GRIN2A: variants seen among roughly 807,000 people sequenced by gnomAD.
The protein encoded by GRIN2A is glutamate ionotropic receptor NMDA type subunit 2A.
GRIN2A carries 22 observed loss-of-function variants against 113.4 expected under a neutral mutation model. That is an observed-to-expected ratio of 0.19 (90% confidence interval 0.14 to 0.28). GRIN2A has a LOEUF of 0.28. GRIN2A is among the 10% of genes least tolerant of loss of function. The pLI is 1.00. For synonymous variants in GRIN2A, 827 were observed against 738.4 expected, an observed-to-expected ratio of 1.12 and a Z score of -1.94; for missense variants, 1,502 against 1,887.0, an observed-to-expected ratio of 0.80 and a Z score of 3.78.
At chr16:10,164,720 T>C (rs1373290783) in intron 2 of GRIN2A, among the ~76,000 whole-genome samples, 2 of 152,244 alleles carry the variant, frequency 1.3e-5, no homozygotes, top group African/African-American at 4.8e-5. Flanking sequence ...CTGTATGTTA[T>C]ATTGGAAGCC....
chr16:9,828,828 G>A (rs2042434100), intron 9 of GRIN2A, among the ~76,000 whole-genome samples: 1 of 151,916 alleles, frequency 6.6e-6, no homozygotes, highest in East Asian at 1.9e-4. Context: ...AGAACCAGTG[G>A]GAAATTAAAA....
intron 9 of GRIN2A, among the ~76,000 whole-genome samples, chr16:9,823,325 A>C (rs1198117595): frequency 1.3e-5 from 2 of 152,180 alleles, no homozygotes; most frequent in Admixed American, 1.3e-4. Context: ...ATTGGGTTCT[A>C]TCACATACAA....
chr16:9,866,187 C>G (rs191051657), intron 4 of GRIN2A, among the ~76,000 whole-genome samples: 1 of 152,242 alleles, frequency 6.6e-6, no homozygotes, highest in East Asian at 1.9e-4. Flanking sequence ...ACAGAAAATG[C>G]TAACAGCCAA....
At chr16:10,043,602 C>T (rs1211913625) in intron 2 of GRIN2A, among the ~76,000 whole-genome samples, 1 of 152,136 alleles carries the variant, frequency 6.6e-6, no homozygotes, top group African/African-American at 2.4e-5. Context: ...GCTAGGGAAG[C>T]TTCTGCAACC....
At chr16:10,067,400 A>G (rs542428898) in intron 2 of GRIN2A, among the ~76,000 whole-genome samples, 1 of 152,358 alleles carries the variant, frequency 6.6e-6, no homozygotes, top group Admixed American at 6.5e-5. Flanking sequence ...ATGCTGAACA[A>G]TTAGATGTGC....
chr16:10,140,128 T>C (rs1425925548), intron 2 of GRIN2A, among the ~76,000 whole-genome samples: 1 of 152,246 alleles, frequency 6.6e-6, no homozygotes. Flanking sequence ...TGGGCTGGAA[T>C]ATATATAACT....
intron 12 of GRIN2A, among the ~76,000 whole-genome samples, chr16:9,765,903 A>G (rs935534348): frequency 6.6e-6 from 1 of 152,186 alleles, no homozygotes; most frequent in African/African-American, 2.4e-5. Flanking sequence ...AAGCACCTCC[A>G]TCTATATGTC....
intron 2 of GRIN2A, among the ~76,000 whole-genome samples, chr16:10,099,484 C>CCA (rs1287055141): frequency 1.3e-5 from 2 of 151,974 alleles, no homozygotes; most frequent in East Asian, 3.9e-4. Context: ...CCCTTGCACC[C>CCA]CCTTCCTCAG....
At chr16:10,158,204 C>G (rs2049741619) in intron 2 of GRIN2A, among the ~76,000 whole-genome samples, 1 of 152,182 alleles carries the variant, frequency 6.6e-6, no homozygotes, top group South Asian at 2.1e-4. Flanking sequence ...AGGATTCCAC[C>G]ATATTGCCGA....
At chr16:10,043,793 C>T (rs1051693138) in intron 2 of GRIN2A, among the ~76,000 whole-genome samples, 5 of 151,954 alleles carry the variant, frequency 3.3e-5, no homozygotes, top group Non-Finnish European at 5.9e-5. Context: ...TGTTCAGCCC[C>T]TGAGCCTAGA....
intron 2 of GRIN2A, among the ~76,000 whole-genome samples, chr16:10,003,646 C>G (rs879778694): frequency 6.6e-6 from 1 of 152,174 alleles, no homozygotes; most frequent in Non-Finnish European, 1.5e-5. Context: ...ATACGAATGA[C>G]ATGAGAATGA....
At chr16:9,769,146 G>C (rs1443204801) in intron 11 of GRIN2A, 57 bp from the exon 12 acceptor site, 1 of 1,341,434 alleles carries the variant, frequency 7.5e-7, no homozygotes, top group Non-Finnish European at 1.1e-6. Flanking sequence ...CTTTGGGGCA[G>C]ACGCTTCTGG....
chr16:10,033,131 C>T (rs67182441), intron 2 of GRIN2A, among the ~76,000 whole-genome samples: 13,535 of 152,174 alleles, frequency 0.089, 659 homozygotes, highest in South Asian at 0.13. Flanking sequence ...TATCTGACAC[C>T]CCCACCTACC....
At chr16:9,780,329 T>C (rs935589780) in intron 11 of GRIN2A, among the ~76,000 whole-genome samples, 21 of 151,982 alleles carry the variant, frequency 1.4e-4, no homozygotes, top group African/African-American at 5.1e-4. Flanking sequence ...AGACAAAAAC[T>C]AAAAGTGATG....
chr16:10,036,073 C>G (rs2047019640), intron 2 of GRIN2A, among the ~76,000 whole-genome samples: 1 of 152,196 alleles, frequency 6.6e-6, no homozygotes, highest in African/African-American at 2.4e-5. Flanking sequence ...CTACTGCTTT[C>G]AGGTAAAAAC....
At chr16:9,923,791 T>G (rs1022600848) in intron 3 of GRIN2A, among the ~76,000 whole-genome samples, 1 of 152,162 alleles carries the variant, frequency 6.6e-6, no homozygotes, top group African/African-American at 2.4e-5. Context: ...TATTTTTGTT[T>G]TAAAAGTAAT....
chr16:9,812,444 G>T (rs1356009797), intron 10 of GRIN2A, among the ~76,000 whole-genome samples: 1 of 152,116 alleles, frequency 6.6e-6, no homozygotes, highest in South Asian at 2.1e-4. Flanking sequence ...TTCAAGACCA[G>T]CCTGGCCAAC....
chr16:10,111,246 C>T (rs2048606832), intron 2 of GRIN2A: 1 of 286,234 alleles, frequency 3.5e-6, no homozygotes, highest in Non-Finnish European at 6.8e-6. Context: ...GCACCCAACA[C>T]TAAGTGGTTA....
intron 3 of GRIN2A, among the ~76,000 whole-genome samples, chr16:9,935,759 G>A (rs142340195): frequency 1.4e-3 from 217 of 152,028 alleles, no homozygotes; most frequent in African/African-American, 4.8e-3. Flanking sequence ...GCAGTGGTGC[G>A]ATCTCAGCTC....
Sources: gnomAD v4.1 joint callset for allele counts (sites outside exome capture counted in the v4.1 genomes callset) on GRCh38, gnomAD v4.1.1 for gene constraint, MANE v1.5 for transcripts, NCBI Gene and HGNC (gene_info 2026-07-23, HGNC 2026-07-21) for gene names.